The following RAF1 variants were observed in gnomAD, a reference collection of about 807,000 sequenced individuals.
The protein encoded by RAF1 is RAF proto-oncogene serine/threonine-protein kinase.
In RAF1, 27 loss-of-function variants were observed where a neutral mutation model predicts 81.1. The observed-to-expected ratio is 0.33, with a 90% CI of 0.25 to 0.46. RAF1 has a LOEUF of 0.46. RAF1 is among the 20% of genes least tolerant of loss of function. RAF1 has a pLI of 1.00. For missense variants in RAF1, 598 were observed against 826.0 expected (o/e 0.72, Z 3.38); for synonymous variants, 298 against 294.0 (o/e 1.01, Z -0.14).
In RAF1 at chr3:12,584,385, A is replaced by C; in HGVS notation, c.*129T>G. ...AACATGAAGTTAAGGCCCTGTGAGCAGTCTAGAAGGTCCTTAGCAGCAGCT... is the reference window on the plus strand; with the variant it reads ...AACATGAAGTTAAGGCCCTGTGAGCCGTCTAGAAGGTCCTTAGCAGCAGCT... On this transcript the variant is annotated 3_prime_UTR_variant, in exon 18 of 18. Transcript: ENST00000442415. The C allele has an allele frequency of 8.6e-7, 1 of 1,167,644 alleles. No individual in the cohort carries two copies. Among genetic ancestry groups the C allele is most frequent in the Non-Finnish European group, 1.2e-6 (1 of 802,024 alleles). The allele number at this position is 1,167,644 out of a possible 1,614,324, so 72.3% of individuals were successfully genotyped here.
chr3:12,614,606 T>G (rs567401356), intron 2 of RAF1, among the ~76,000 whole-genome samples: 1 of 150,454 alleles, frequency 6.6e-6, no homozygotes, highest in Non-Finnish European at 1.5e-5. Flanking sequence ...TTTTTTTTTT[T>G]GTAGAGACAA....
intron 1 of RAF1, among the ~76,000 whole-genome samples, chr3:12,629,389 T>A (rs1347209131): frequency 6.6e-6 from 1 of 152,176 alleles, no homozygotes; most frequent in Non-Finnish European, 1.5e-5. Flanking sequence ...AAAATAAATT[T>A]CTTAAAACTC....
chr3:12,657,097 A>C lies in RAF1; in HGVS notation c.-27+6716T>G, dbSNP rs2060718844. 3.3e-5 allele frequency among the ~76,000 whole-genome samples: 5 copies of C among 152,112 alleles called. No homozygotes were observed. In the South Asian group the frequency reaches 8.3e-4, roughly 25 times the overall value. On this transcript the variant is annotated intron_variant, in intron 1 of 17. Transcript: ENST00000442415. ...AAGGTAGGAACTTGCCTTATGCTGC[A>C]CCAAGTGCACTGGCCTGCACCTACA...
chr3:12,614,052 A>C (rs1319264773), intron 2 of RAF1, among the ~76,000 whole-genome samples: 1 of 152,110 alleles, frequency 6.6e-6, no homozygotes, highest in East Asian at 1.9e-4. Flanking sequence ...TCTCCTTCAG[A>C]GATGTGGAAG....
At chr3:12,635,705 G>A (rs1406928529) in intron 1 of RAF1, among the ~76,000 whole-genome samples, 1 of 151,104 alleles carries the variant, frequency 6.6e-6, no homozygotes, top group African/African-American at 2.4e-5. Flanking sequence ...TGGGCGCGGT[G>A]GCTCACGCCT....
chr3:12,656,954 G>A (rs1282549909), intron 1 of RAF1, among the ~76,000 whole-genome samples: 1 of 149,270 alleles, frequency 6.7e-6, no homozygotes, highest in South Asian at 2.1e-4. Context: ...CCAACATCAC[G>A]CCACTGTACG....
At chr3:12,591,632 A>G (rs1439542474) in intron 12 of RAF1, 76 bp downstream of exon 11, 1 of 1,330,136 alleles carries the variant, frequency 7.5e-7, no homozygotes, top group Non-Finnish European at 1.1e-6. Flanking sequence ...CCTGCGGCAC[A>G]GTCCACTAAC....
At chr3:12,607,499 T>C (rs2059071580) in intron 5 of RAF1, among the ~76,000 whole-genome samples, 2 of 151,980 alleles carry the variant, frequency 1.3e-5, no homozygotes, top group East Asian at 1.9e-4. Context: ...AATACAAAAA[T>C]TAGCTAGGCA....
intron 1 of RAF1, among the ~76,000 whole-genome samples, chr3:12,627,874 C>A (rs1575617323): frequency 6.6e-6 from 1 of 152,236 alleles, no homozygotes; most frequent in Admixed American, 6.5e-5. Flanking sequence ...AATCCTAGCA[C>A]TATGGGAGGC....
intron 5 of RAF1, 125 bp from the exon 6 acceptor site, chr3:12,606,424 A>G: frequency 1.4e-6 from 1 of 720,472 alleles, no homozygotes; most frequent in Non-Finnish European, 2.5e-6. Flanking sequence ...CATTTTCCTC[A>G]ACTGTTTTAC....
intron 1 of RAF1, among the ~76,000 whole-genome samples, chr3:12,653,868 A>C (rs1295703078): frequency 1.3e-5 from 2 of 152,186 alleles, no homozygotes; most frequent in African/African-American, 4.8e-5. Context: ...CGCTCCCAAG[A>C]AGCAAAGAAA....
At chr3:12,635,225 A>T (rs1342040441) in intron 1 of RAF1, among the ~76,000 whole-genome samples, 1 of 148,336 alleles carries the variant, frequency 6.7e-6, no homozygotes, top group Non-Finnish European at 1.5e-5. Flanking sequence ...AGGCTGACGC[A>T]GGAGAATTGC....
intron 1 of RAF1, among the ~76,000 whole-genome samples, chr3:12,636,212 G>A (rs2060024818): frequency 6.6e-6 from 1 of 151,016 alleles, no homozygotes; most frequent in Non-Finnish European, 1.5e-5. Flanking sequence ...CTTGAACCCG[G>A]GAGGCAGAGG....
At chr3:12,599,578 G>A (rs1391560546) in intron 11 of RAF1, 113 bp downstream of exon 10, 2 of 784,246 alleles carry the variant, frequency 2.6e-6, no homozygotes, top group Non-Finnish European at 2.3e-6. Flanking sequence ...GTAAGGGAGA[G>A]TACTGCTATA....
rs2058247528 is a variant in RAF1, at chr3:12,584,389, T to C, written c.*125A>G. On this transcript the variant is annotated 3_prime_UTR_variant, in exon 18 of 18. Coordinates refer to ENST00000442415, the MANE Select transcript of RAF1 (RefSeq NM_001354689.3). ...TGAAGTTAAGGCCCTGTGAGCAGTC[T>C]AGAAGGTCCTTAGCAGCAGCTTCTC... The C allele has an allele frequency of 3.6e-5, 45 of 1,249,644 alleles. No individual in the cohort carries two copies. The highest frequency in any genetic ancestry group is 4.8e-5 in the Non-Finnish European group (42 of 871,386). The allele number at this position is 1,249,644 out of a possible 1,614,324, so 77.4% of individuals were successfully genotyped here.
At chr3:12,598,168 G>A (rs2058741824) in intron 11 of RAF1, among the ~76,000 whole-genome samples, 1 of 151,676 alleles carries the variant, frequency 6.6e-6, no homozygotes. Context: ...ACAGGCGAGT[G>A]CCATCACATC....
chr3:12,623,807 A>G (rs1381729011), intron 1 of RAF1, among the ~76,000 whole-genome samples: 1 of 29,138 alleles, frequency 3.4e-5, no homozygotes, highest in South Asian at 5.5e-3. Flanking sequence ...CAAAAAAAAA[A>G]AAAAAAAAAA....
At chr3:12,632,703 T>G (rs1165527592) in intron 1 of RAF1, among the ~76,000 whole-genome samples, 1 of 152,214 alleles carries the variant, frequency 6.6e-6, no homozygotes, top group Non-Finnish European at 1.5e-5. Context: ...TCTGAAATTC[T>G]TGAAACTCTC....
chr3:12,653,107 C>A (rs1186267807), intron 1 of RAF1, among the ~76,000 whole-genome samples: 1 of 151,978 alleles, frequency 6.6e-6, no homozygotes, highest in Non-Finnish European at 1.5e-5. Context: ...CAGGGTGAAA[C>A]CCCATCTCTA....
Sources: gnomAD v4.1 joint callset for allele counts (sites outside exome capture counted in the v4.1 genomes callset) on GRCh38, gnomAD v4.1.1 for gene constraint, MANE v1.5 for transcripts, NCBI Gene and HGNC (gene_info 2026-07-23, HGNC 2026-07-21) for gene names.